GMPS: variants seen among roughly 807,000 people sequenced by gnomAD.
GMPS encodes GMP synthase [glutamine-hydrolyzing].
Under a neutral mutation model 77.9 loss-of-function variants are expected in GMPS, and 15 were observed. The observed-to-expected ratio is 0.19, with a 90% CI of 0.13 to 0.30. The LOEUF (loss-of-function observed/expected upper bound fraction) is 0.30, where lower values mean the gene tolerates loss of function less well. GMPS is among the 10% of genes least tolerant of loss of function. The probability of loss-of-function intolerance (pLI) is 1.00; values close to 1 mark genes in which losing one functional copy is unlikely to be tolerated. For synonymous variants in GMPS, 224 were observed against 275.9 expected, an observed-to-expected ratio of 0.81 and a Z score of 1.86; for missense variants, 590 against 838.8, an observed-to-expected ratio of 0.70 and a Z score of 3.66.
intron 11 of GMPS, among the ~76,000 whole-genome samples, chr3:155,924,459 C>T (rs1214018300): frequency 1.3e-5 from 2 of 152,138 alleles, no homozygotes; most frequent in Admixed American, 1.3e-4. Flanking sequence ...TCAAAGATGT[C>T]TGTGTTATTT....
At chr3:155,879,227 A>T (rs1436468765) in intron 1 of GMPS, among the ~76,000 whole-genome samples, 1 of 150,774 alleles carries the variant, frequency 6.6e-6, no homozygotes, top group Non-Finnish European at 1.5e-5. Flanking sequence ...ACCTGAAATT[A>T]GCCATCACAA....
intron 1 of GMPS, among the ~76,000 whole-genome samples, chr3:155,871,243 G>A (rs886226098): frequency 1.3e-5 from 2 of 152,000 alleles, no homozygotes; most frequent in African/African-American, 4.8e-5. Context: ...GAGCGGGCTT[G>A]TGTGTCTGCG....
intron 1 of GMPS, among the ~76,000 whole-genome samples, chr3:155,882,265 C>T (rs1339777975): frequency 1.3e-5 from 2 of 151,996 alleles, no homozygotes; most frequent in African/African-American, 2.4e-5. Flanking sequence ...TTAGGGCCAA[C>T]GATGTTATAT....
chr3:155,931,377 G>T (rs1237441615), intron 12 of GMPS, among the ~76,000 whole-genome samples: 9 of 151,250 alleles, frequency 6.0e-5, no homozygotes, highest in Admixed American at 5.9e-4. Flanking sequence ...GTAGAGATGG[G>T]GTTTCATCAT....
chr3:155,899,571 GATACATTTGAT>G (rs2108084033), intron 3 of GMPS, among the ~76,000 whole-genome samples: 1 of 151,994 alleles, frequency 6.6e-6, no homozygotes, highest in Admixed American at 6.5e-5. Context: ...ACACCAGAGT[GATACATTTGAT>G]ATAACTGATG....
chr3:155,917,037 C>T (rs371144009), intron 9 of GMPS, among the ~76,000 whole-genome samples: 47 of 151,190 alleles, frequency 3.1e-4, no homozygotes, highest in African/African-American at 1.1e-3. Flanking sequence ...AGCAGTCATG[C>T]GACCTCGGCT....
At chr3:155,889,437 G>A (rs949975281) in intron 1 of GMPS, among the ~76,000 whole-genome samples, 2 of 152,250 alleles carry the variant, frequency 1.3e-5, no homozygotes, top group East Asian at 1.9e-4. Flanking sequence ...TCCTCCTAGC[G>A]CGCTGCGGTT....
chr3:155,925,114 A>G lies in GMPS; in HGVS notation c.1435-127A>G, dbSNP rs1338525644. 22 of 757,664 alleles carry G rather than the reference A, an allele frequency of 2.9e-5. No individual in the cohort carries two copies. The East Asian group carries it at 5.0e-4, about 17-fold the overall frequency. 46.9% of individuals were successfully genotyped at this position (757,664 alleles called of 1,614,324 possible). ...TCTGGCATAGTGCATAGCACACACA[A>G]CTCAAGGAGATACCAAATACAATCC... On this transcript the variant is annotated intron_variant, in intron 11 of 15. Transcript: ENST00000496455.
At chr3:155,925,435 C>CAAGAA in intron 12 of GMPS, 69 bp downstream of exon 12, 4 of 1,307,932 alleles carry the variant, frequency 3.1e-6, no homozygotes, top group Non-Finnish European at 4.2e-6. Flanking sequence ...GACGGAGTCT[C>CAAGAA]ACTGTGTTGC....
At chr3:155,901,421 T>C (rs1259903885) in intron 3 of GMPS, among the ~76,000 whole-genome samples, 1 of 152,162 alleles carries the variant, frequency 6.6e-6, no homozygotes, top group African/African-American at 2.4e-5. Flanking sequence ...ATGTTGGCTT[T>C]CTAGTTTCTT....
intron 1 of GMPS, among the ~76,000 whole-genome samples, chr3:155,892,350 T>A (rs1163889646): frequency 1.3e-5 from 2 of 152,076 alleles, no homozygotes; most frequent in Non-Finnish European, 2.9e-5. Flanking sequence ...TATGTAAAAT[T>A]TAAAATATAC....
chr3:155,886,446 G>T (rs916557363), intron 1 of GMPS, among the ~76,000 whole-genome samples: 1 of 150,902 alleles, frequency 6.6e-6, no homozygotes, highest in Non-Finnish European at 1.5e-5. Context: ...GTGGTGGCAG[G>T]TGCCTGTAAT....
At chr3:155,888,741 A>C (rs1754397448) in intron 1 of GMPS, among the ~76,000 whole-genome samples, 1 of 152,086 alleles carries the variant, frequency 6.6e-6, no homozygotes, top group Non-Finnish European at 1.5e-5. Flanking sequence ...ATGCACCACC[A>C]CACCCAGATA....
chr3:155,878,458 G>T (rs2108050043), intron 1 of GMPS, among the ~76,000 whole-genome samples: 1 of 152,210 alleles, frequency 6.6e-6, no homozygotes, highest in East Asian at 1.9e-4. Context: ...TGCTGCCATG[G>T]ACATTTCTGT....
At chr3:155,932,758 A>G (rs1755658718) in intron 13 of GMPS, among the ~76,000 whole-genome samples, 1 of 152,240 alleles carries the variant, frequency 6.6e-6, no homozygotes, top group Non-Finnish European at 1.5e-5. Context: ...CAGAGTCTGT[A>G]TAGTTCGAGA....
chr3:155,886,060 A>T (rs569035105), intron 1 of GMPS, among the ~76,000 whole-genome samples: 12 of 152,110 alleles, frequency 7.9e-5, no homozygotes, highest in African/African-American at 2.9e-4. Context: ...GCCTCAAGTG[A>T]TCCTCCCATC....
At chr3:155,881,195 G>A (rs1255770644) in intron 1 of GMPS, among the ~76,000 whole-genome samples, 1 of 136,430 alleles carries the variant, frequency 7.3e-6, no homozygotes, top group Non-Finnish European at 1.6e-5. Context: ...TTTTTGAGAC[G>A]GAGTTTTGCT....
chr3:155,876,962 A>G (rs1030029355), intron 1 of GMPS, among the ~76,000 whole-genome samples: 13 of 152,222 alleles, frequency 8.5e-5, no homozygotes, highest in African/African-American at 3.1e-4. Context: ...CTGCCTGGAC[A>G]TGTGAAGTTT....
rs771806339 is a variant in GMPS, at chr3:155,893,656, C to G, written c.166C>G (p.Pro56Ala). 2 of 1,611,444 alleles carry G rather than the reference C, an allele frequency of 1.2e-6. No homozygotes were observed. The highest frequency in any genetic ancestry group is 1.7e-6 in the Non-Finnish European group (2 of 1,178,184). Residue 56 changes from proline (P) to alanine (A), a missense_variant, in exon 2 of 16, where the codon CCC becomes GCC. This residue lies in a region of GMPS where 136 missense variants were observed against 225.6 expected (regional missense o/e 0.60). Coordinates refer to ENST00000496455, the MANE Select transcript of GMPS (RefSeq NM_003875.3). ...RELFVQSEIF[P>A]LETPAFAIKE... ...ACTGTTCGTGCAGTCTGAAATTTTC[C>G]CCTTGGAAACACCAGCATTTGCTAT...
Sources: gnomAD v4.1 joint callset for allele counts (sites outside exome capture counted in the v4.1 genomes callset) on GRCh38, gnomAD v4.1.1 for gene constraint, gnomAD v4.1.1 regional missense constraint, MANE v1.5 for transcripts, NCBI Gene and HGNC (gene_info 2026-07-23, HGNC 2026-07-21) for gene names.